MGAT4C: variants seen among roughly 807,000 people sequenced by gnomAD.
The protein encoded by MGAT4C is MGAT4 family member C.
In MGAT4C, 19 loss-of-function variants were observed where a neutral mutation model predicts 40.1. The ratio of observed to expected loss-of-function variants is 0.47; its 90% CI spans 0.33 to 0.70. The LOEUF (loss-of-function observed/expected upper bound fraction) is 0.70, where lower values mean the gene tolerates loss of function less well. MGAT4C is among the 30% of genes least tolerant of loss of function. The probability of loss-of-function intolerance (pLI) is 0.02; values close to 1 mark genes in which losing one functional copy is unlikely to be tolerated. For missense variants in MGAT4C, 491 were observed against 563.2 expected (o/e 0.87, Z 1.30); for synonymous variants, 181 against 187.1 (o/e 0.97, Z 0.27).
intron 3 of MGAT4C, among the ~76,000 whole-genome samples, chr12:86,364,623 TC>T (rs1242935957): frequency 2.6e-5 from 4 of 152,174 alleles, no homozygotes. Flanking sequence ...TCACGTAGGT[TC>T]TTTTCTATTT....
intron 1 of MGAT4C, among the ~76,000 whole-genome samples, chr12:86,187,113 A>C (rs189567784): frequency 6.6e-6 from 1 of 152,166 alleles, no homozygotes; most frequent in Non-Finnish European, 1.5e-5. Flanking sequence ...TTTTACACTA[A>C]ATTTTTAAAA....
At chr12:86,474,333 G>A (rs916633001) in intron 2 of MGAT4C, among the ~76,000 whole-genome samples, 2 of 135,702 alleles carry the variant, frequency 1.5e-5, no homozygotes, top group African/African-American at 5.5e-5. Flanking sequence ...AGAACACATG[G>A]ACACAGGAAG....
intron 2 of MGAT4C, among the ~76,000 whole-genome samples, chr12:86,685,374 C>T (rs1391554972): frequency 1.3e-5 from 2 of 152,040 alleles, no homozygotes; most frequent in South Asian, 2.1e-4. Context: ...CTGAGGCCTC[C>T]GTTCTGTTCC....
chr12:86,402,220 G>A (rs919824687), intron 3 of MGAT4C, among the ~76,000 whole-genome samples: 5 of 151,896 alleles, frequency 3.3e-5, no homozygotes, highest in Non-Finnish European at 4.4e-5. Flanking sequence ...CGAGGCAGGC[G>A]GATCCCTTGA....
At chr12:86,016,258 G>A (rs1361841507) in intron 2 of MGAT4C, 3 of 152,164 alleles carry the variant, frequency 2.0e-5, no homozygotes, top group Admixed American at 6.5e-5. Flanking sequence ...GTGCCATCAA[G>A]TTTTGTCACA....
intron 4 of MGAT4C, among the ~76,000 whole-genome samples, chr12:86,321,391 G>A (rs1019253299): frequency 1.3e-5 from 2 of 151,966 alleles, no homozygotes. Context: ...TTTACACTTG[G>A]ATGAAGATAT....
At chr12:86,579,800 A>C (rs1028010867) in intron 2 of MGAT4C, among the ~76,000 whole-genome samples, 1 of 151,506 alleles carries the variant, frequency 6.6e-6, no homozygotes, top group Non-Finnish European at 1.5e-5. Context: ...TGTTTGAAGA[A>C]TATTTTTGCC....
intron 4 of MGAT4C, among the ~76,000 whole-genome samples, chr12:86,309,288 C>A (rs867059620): frequency 7.1e-6 from 1 of 141,204 alleles, no homozygotes; most frequent in African/African-American, 3.1e-5. Flanking sequence ...CACCAAAAAA[C>A]TTAGTTGCCA....
rs182342286 is a variant in MGAT4C, at chr12:86,217,975, T to G, written c.-57+38264A>C. Reference sequence around the variant, plus strand: ...GATTATAAGCAGATTATCTATAAATTTTTTCTAAAATTTAGTATTAATATC... The same window carrying G: ...GATTATAAGCAGATTATCTATAAATGTTTTCTAAAATTTAGTATTAATATC... On this transcript the variant is annotated intron_variant, in intron 1 of 4. Transcript: ENST00000611864. 1.3e-4 allele frequency among the ~76,000 whole-genome samples: 20 copies of G among 152,208 alleles called. No homozygotes were observed. The East Asian group carries it at 3.7e-3, about 28-fold the overall frequency.
intron 1 of MGAT4C, among the ~76,000 whole-genome samples, chr12:86,783,132 T>G (rs1260658539): frequency 6.6e-6 from 1 of 152,212 alleles, no homozygotes; most frequent in African/African-American, 2.4e-5. Flanking sequence ...AGTGTGTGAT[T>G]CCATCATCAT....
At chr12:86,760,475 C>T (rs570469560) in intron 1 of MGAT4C, among the ~76,000 whole-genome samples, 1 of 152,010 alleles carries the variant, frequency 6.6e-6, no homozygotes, top group African/African-American at 2.4e-5. Context: ...AGAACTGTTA[C>T]AGGCTTCCAC....
intron 1 of MGAT4C, among the ~76,000 whole-genome samples, chr12:86,091,326 G>C (rs1019995808): frequency 5.3e-5 from 8 of 152,004 alleles, no homozygotes; most frequent in African/African-American, 1.9e-4. Context: ...TGAATATTGT[G>C]ATGGGCTGTT....
intron 3 of MGAT4C, among the ~76,000 whole-genome samples, chr12:86,425,607 T>C (rs1163345874): frequency 6.6e-6 from 1 of 152,212 alleles, no homozygotes; most frequent in Non-Finnish European, 1.5e-5. Context: ...ATACATATTA[T>C]ACCTGTATTT....
chr12:86,294,936 T>C (rs76755337), intron 4 of MGAT4C, among the ~76,000 whole-genome samples: 3,362 of 152,252 alleles, frequency 0.022, 109 homozygotes, highest in African/African-American at 0.076. Flanking sequence ...TTCTGCCCCT[T>C]CTAATTCCCA....
At chr12:86,504,854 G>A (rs1958442100) in intron 2 of MGAT4C, among the ~76,000 whole-genome samples, 1 of 151,986 alleles carries the variant, frequency 6.6e-6, no homozygotes, top group African/African-American at 2.4e-5. Context: ...GCTCAATGTT[G>A]GCCACGATGG....
chr12:86,519,166 CTGAAAATGTGTTTAT>C (rs1211885102), intron 2 of MGAT4C, among the ~76,000 whole-genome samples: 1 of 152,154 alleles, frequency 6.6e-6, no homozygotes, highest in Non-Finnish European at 1.5e-5. Flanking sequence ...AAAATGTTTA[CTGAAAATGTGTTTAT>C]TTTCACTTAA....
At chr12:86,607,451 A>T (rs1962081781) in intron 2 of MGAT4C, among the ~76,000 whole-genome samples, 1 of 152,144 alleles carries the variant, frequency 6.6e-6, no homozygotes, top group Admixed American at 6.5e-5. Flanking sequence ...TATAGTAATT[A>T]TGCCTTATGT....
chr12:86,221,604 T>G (rs1400967521), intron 1 of MGAT4C, among the ~76,000 whole-genome samples: 1 of 152,188 alleles, frequency 6.6e-6, no homozygotes, highest in Non-Finnish European at 1.5e-5. Context: ...AGCAGCAACC[T>G]GACTTAAGGG....
chr12:86,680,169 T>C (rs1949954128), intron 2 of MGAT4C, among the ~76,000 whole-genome samples: 2 of 152,062 alleles, frequency 1.3e-5, no homozygotes, highest in Admixed American at 1.3e-4. Flanking sequence ...AGATGATCTA[T>C]TCATATTATG....
Sources: allele counts gnomAD v4.1 joint callset (sites outside exome capture counted in the v4.1 genomes callset), GRCh38; gene constraint gnomAD v4.1.1; transcripts MANE v1.5; gene names NCBI Gene and HGNC (gene_info 2026-07-23, HGNC 2026-07-21).